Variants in ATP8A2 observed in about 807,000 individuals in gnomAD.
ATP8A2 encodes the protein ATPase phospholipid transporting 8A2, also known as phospholipid-transporting ATPase IB.
In ATP8A2, 100 loss-of-function variants were observed where a neutral mutation model predicts 165.6. The ratio of observed to expected loss-of-function variants is 0.60; its 90% CI spans 0.51 to 0.71. ATP8A2 has a LOEUF of 0.71. ATP8A2 is among the 30% of genes least tolerant of loss of function. The pLI is 0.00. For synonymous variants in ATP8A2, 543 were observed against 548.8 expected, an observed-to-expected ratio of 0.99 and a Z score of 0.15; for missense variants, 1,227 against 1,479.5, an observed-to-expected ratio of 0.83 and a Z score of 2.80.
chr13:25,586,990 G>A (rs1300541138), intron 23 of ATP8A2, among the ~76,000 whole-genome samples: 1 of 152,128 alleles, frequency 6.6e-6, no homozygotes, highest in Non-Finnish European at 1.5e-5. Context: ...CCCTTTTGTA[G>A]TATACTGTTA....
intron 25 of ATP8A2, among the ~76,000 whole-genome samples, chr13:25,752,297 C>T (rs546458996): frequency 2.0e-4 from 30 of 151,984 alleles, no homozygotes; most frequent in Non-Finnish European, 1.8e-4. Context: ...CCCATCTCTA[C>T]TACAAATACA....
intron 30 of ATP8A2, among the ~76,000 whole-genome samples, chr13:25,853,284 C>T (rs926337648): frequency 2.6e-5 from 4 of 151,202 alleles, no homozygotes; most frequent in African/African-American, 4.9e-5. Context: ...CCCAGCTACT[C>T]GGGAGGCTGA....
intron 13 of ATP8A2, among the ~76,000 whole-genome samples, chr13:25,556,828 G>A (rs756513125): frequency 1.3e-5 from 2 of 152,134 alleles, no homozygotes; most frequent in Non-Finnish European, 2.9e-5. Flanking sequence ...CGGGTTGTCT[G>A]TCGAGATCTG....
At chr13:25,768,934 T>C (rs984098510) in intron 25 of ATP8A2, 112 bp from the exon 26 acceptor site, 2 of 1,019,168 alleles carry the variant, frequency 2.0e-6, no homozygotes, top group Non-Finnish European at 3.0e-6. Context: ...AATGGATGTA[T>C]TGAATTTGGA....
intron 2 of ATP8A2, among the ~76,000 whole-genome samples, chr13:25,479,127 T>C (rs1337120276): frequency 6.6e-6 from 1 of 152,202 alleles, no homozygotes; most frequent in East Asian, 1.9e-4. Flanking sequence ...ATTACAGGCA[T>C]GAGCCACCAC....
At chr13:25,425,132 G>C (rs2034408001) in intron 1 of ATP8A2, among the ~76,000 whole-genome samples, 1 of 152,038 alleles carries the variant, frequency 6.6e-6, no homozygotes, top group Non-Finnish European at 1.5e-5. Flanking sequence ...GAAGAAATTG[G>C]CTGAAGTACA....
chr13:25,667,963 C>A (rs190607540), intron 24 of ATP8A2, among the ~76,000 whole-genome samples: 1 of 152,070 alleles, frequency 6.6e-6, no homozygotes, highest in Admixed American at 6.6e-5. Flanking sequence ...GCTCTGTTCC[C>A]CCTTTATGTT....
At chr13:25,695,236 T>G (rs2042811055) in intron 24 of ATP8A2, among the ~76,000 whole-genome samples, 2 of 152,146 alleles carry the variant, frequency 1.3e-5, no homozygotes, top group Admixed American at 6.5e-5. Context: ...ACCCAATGTG[T>G]GTGCCTTAAT....
At position 25,539,026 on chromosome 13, in the gene ATP8A2, G is replaced by A. The variant is rs1287479848; in HGVS notation, c.581+965G>A. Among the ~76,000 whole-genome samples the A allele has an allele frequency of 2.0e-5, 3 of 151,578 alleles. No homozygotes were observed. The East Asian group carries it at 5.8e-4, about 29-fold the overall frequency. On this transcript the variant is annotated intron_variant, in intron 7 of 36. Transcript: ENST00000381655. ...GATCACTTGATAGTTCGGGCTTTAA[G>A]TCTTTAAGTCTTGGCTGTGACCTTA...
In ATP8A2 at chr13:25,490,900, C is replaced by T. The variant is rs144456815; in HGVS notation, c.221+21779C>T. On this transcript the variant is annotated intron_variant, in intron 2 of 36. Transcript: ENST00000381655. ...GGGAATATAGGCACACGTCACCATGCGTGACTAATTAAAGAAAAAATTTAG... is the reference window on the plus strand; with the variant it reads ...GGGAATATAGGCACACGTCACCATGTGTGACTAATTAAAGAAAAAATTTAG... Among the ~76,000 whole-genome samples the T allele has an allele frequency of 2.8e-3, 427 of 151,926 alleles. 3 individuals carry two copies. Among genetic ancestry groups the T allele is most frequent in the African/African-American group, 9.7e-3 (401 of 41,444 alleles).
chr13:25,807,066 A>G (rs751430010), intron 27 of ATP8A2, among the ~76,000 whole-genome samples: 1 of 151,702 alleles, frequency 6.6e-6, no homozygotes, highest in Non-Finnish European at 1.5e-5. Context: ...TATGTAATCT[A>G]TATACAAATG....
chr13:25,402,757 A>G (rs1036897370), intron 1 of ATP8A2, among the ~76,000 whole-genome samples: 1 of 152,160 alleles, frequency 6.6e-6, no homozygotes, highest in African/African-American at 2.4e-5. Flanking sequence ...GCCCTTATGA[A>G]AGGGCTTGAG....
At chr13:25,644,565 C>T (rs1284446066) in intron 24 of ATP8A2, among the ~76,000 whole-genome samples, 1 of 150,572 alleles carries the variant, frequency 6.6e-6, no homozygotes, top group Non-Finnish European at 1.5e-5. Flanking sequence ...CAGAGTAATA[C>T]TGGCTTCATA....
At chr13:25,715,850 C>G (rs2043244907) in intron 25 of ATP8A2, among the ~76,000 whole-genome samples, 1 of 152,244 alleles carries the variant, frequency 6.6e-6, no homozygotes, top group South Asian at 2.1e-4. Flanking sequence ...TATGGTCACT[C>G]TATGGTTAAC....
At chr13:25,602,889 G>A (rs1373316331) in intron 24 of ATP8A2, among the ~76,000 whole-genome samples, 1 of 152,020 alleles carries the variant, frequency 6.6e-6, no homozygotes, top group Non-Finnish European at 1.5e-5. Context: ...GGCCAATATG[G>A]TGAAATCCTG....
At chr13:25,381,150 A>G (rs1454731649) in intron 1 of ATP8A2, among the ~76,000 whole-genome samples, 4 of 152,070 alleles carry the variant, frequency 2.6e-5, no homozygotes, top group Non-Finnish European at 4.4e-5. Context: ...TCTTCAACAC[A>G]CTCACGATTT....
At chr13:25,898,746 A>C (rs1430191320) in intron 33 of ATP8A2, among the ~76,000 whole-genome samples, 1 of 152,160 alleles carries the variant, frequency 6.6e-6, no homozygotes. Context: ...CCCCTCCACC[A>C]GCCTCGCTGC....
intron 30 of ATP8A2, among the ~76,000 whole-genome samples, chr13:25,850,607 G>C (rs1951982815): frequency 1.3e-5 from 2 of 152,074 alleles, no homozygotes; most frequent in South Asian, 4.1e-4. Context: ...TCCCGGTTTG[G>C]GGTTTTGTCC....
intron 1 of ATP8A2, among the ~76,000 whole-genome samples, chr13:25,427,683 CA>C (rs1255170252): frequency 1.3e-5 from 2 of 151,886 alleles, no homozygotes; most frequent in Non-Finnish European, 2.9e-5. Flanking sequence ...AACATGAGGT[CA>C]AGAGATCGAG....
Sources: gnomAD v4.1 joint callset for allele counts (sites outside exome capture counted in the v4.1 genomes callset) on GRCh38, gnomAD v4.1.1 for gene constraint, MANE v1.5 for transcripts, NCBI Gene and HGNC (gene_info 2026-07-23, HGNC 2026-07-21) for gene names.